The following ANKRD6 variants were observed in gnomAD, a reference collection of about 807,000 sequenced individuals.
The protein encoded by ANKRD6 is ankyrin repeat domain-containing protein 6.
Under a neutral mutation model 82.3 loss-of-function variants are expected in ANKRD6, and 56 were observed. The observed-to-expected ratio is 0.68, with a 90% CI of 0.55 to 0.85. The LOEUF (loss-of-function observed/expected upper bound fraction) is 0.85, where lower values mean the gene tolerates loss of function less well. ANKRD6 is among the 40% of genes least tolerant of loss of function. ANKRD6 has a pLI of 0.00. For missense variants in ANKRD6, 852 were observed against 907.6 expected (o/e 0.94, Z 0.79); for synonymous variants, 347 against 352.1 (o/e 0.99, Z 0.16).
chr6:89,512,998 C>T (rs2127945882), intron 1 of ANKRD6, among the ~76,000 whole-genome samples: 1 of 151,836 alleles, frequency 6.6e-6, no homozygotes, highest in South Asian at 2.1e-4. Context: ...GATCATTGCT[C>T]ACTGCAGCCT....
At chr6:89,466,045 G>T (rs1316798291) in intron 1 of ANKRD6, among the ~76,000 whole-genome samples, 1 of 152,032 alleles carries the variant, frequency 6.6e-6, no homozygotes, top group Non-Finnish European at 1.5e-5. Context: ...CTACCCATAG[G>T]TAACCACTAT....
In ANKRD6 at chr6:89,631,445, C is replaced by CT. The variant is rs1441740839; in HGVS notation, c.*444dup. 6.5e-6 allele frequency: 1 copy of CT among 153,356 alleles called. No homozygotes were observed. Among genetic ancestry groups the CT allele is most frequent in the African/African-American group, 2.4e-5 (1 of 41,458 alleles). The allele number at this position is 153,356 out of a possible 1,614,324, so 9.5% of individuals were successfully genotyped here. A position where few individuals can be genotyped will look rare whatever the true frequency, so the allele number is the denominator to read the frequency against. ...ACACCTGCTGTGCCTAGACAAGTGT[C>CT]TTTCTGTAAGAGCTGTAACTCTGAG... On this transcript the variant is annotated 3_prime_UTR_variant, in exon 16 of 16. Coordinates refer to ENST00000339746, the MANE Select transcript of ANKRD6 (RefSeq NM_001242809.2).
intron 1 of ANKRD6, among the ~76,000 whole-genome samples, chr6:89,551,730 C>T (rs1048187336): frequency 2.0e-4 from 30 of 152,200 alleles, no homozygotes; most frequent in Non-Finnish European, 2.5e-4. Flanking sequence ...TGTAATTTCT[C>T]AGGTTATTTT....
intron 1 of ANKRD6, among the ~76,000 whole-genome samples, chr6:89,462,239 T>TAAAAATAATAATAAA (rs60355520): frequency 1.4e-5 from 2 of 143,244 alleles, no homozygotes; most frequent in South Asian, 2.1e-4. Flanking sequence ...CTCAAAATAA[T>TAAAAATAATAATAAA]AATAATAATA....
At chr6:89,566,544 G>A (rs758200821) in intron 1 of ANKRD6, among the ~76,000 whole-genome samples, 7 of 152,184 alleles carry the variant, frequency 4.6e-5, no homozygotes, top group African/African-American at 1.2e-4. Flanking sequence ...CCAGGCCTCC[G>A]CTCCCTGGGA....
At chr6:89,616,910 A>G in intron 8 of ANKRD6, 1 of 627,388 alleles carries the variant, frequency 1.6e-6, no homozygotes, top group Non-Finnish European at 3.0e-6. Context: ...GGCATGAAAA[A>G]GAACTCAGGG....
At chr6:89,604,866 T>G (rs906924512) in intron 4 of ANKRD6, among the ~76,000 whole-genome samples, 1 of 152,114 alleles carries the variant, frequency 6.6e-6, no homozygotes, top group Non-Finnish European at 1.5e-5. Context: ...GGCATGGATG[T>G]GGTTGAGTTA....
rs1770275834 is a variant in ANKRD6, at chr6:89,433,835, C to G, written c.-144+460C>G. 6.6e-6 allele frequency among the ~76,000 whole-genome samples: 1 copy of G among 152,212 alleles called. No homozygotes were observed. The highest frequency in any genetic ancestry group is 2.4e-5 in the African/African-American group (1 of 41,468). On this transcript the variant is annotated intron_variant, in intron 1 of 15. Coordinates refer to ENST00000339746, the MANE Select transcript of ANKRD6 (RefSeq NM_001242809.2). This position sits in a 1 kb window ranked among gnomAD's most constrained non-coding sequence, Gnocchi z 4.3. ...GGACGACAGCACTAGGGTGCAGTCGCAGGAGAGGGGCCGATACCCCTCAGG... is the reference window on the plus strand; with the variant it reads ...GGACGACAGCACTAGGGTGCAGTCGGAGGAGAGGGGCCGATACCCCTCAGG...
intron 1 of ANKRD6, among the ~76,000 whole-genome samples, chr6:89,508,344 G>T (rs1780120380): frequency 6.6e-6 from 1 of 152,174 alleles, no homozygotes; most frequent in Admixed American, 6.5e-5. Flanking sequence ...AACCTTAAAG[G>T]ATAGCTCTGG....
chr6:89,546,781 C>T (rs552153122), intron 1 of ANKRD6, among the ~76,000 whole-genome samples: 60 of 151,668 alleles, frequency 4.0e-4, no homozygotes, highest in Middle Eastern at 3.5e-3. Flanking sequence ...CTGCAGTAAA[C>T]CACATTTAAG....
intron 1 of ANKRD6, among the ~76,000 whole-genome samples, chr6:89,449,054 A>T (rs1009015161): frequency 2.0e-5 from 3 of 152,034 alleles, no homozygotes; most frequent in Non-Finnish European, 2.9e-5. Context: ...AAAAAAAAGA[A>T]ATACATTTTG....
chr6:89,499,182 A>G (rs1023264373), intron 1 of ANKRD6, among the ~76,000 whole-genome samples: 1 of 152,206 alleles, frequency 6.6e-6, no homozygotes, highest in African/African-American at 2.4e-5. Flanking sequence ...CCTTTTTGAA[A>G]ACATGAGGTG....
Position 89,566,903 on chromosome 6 carries a change from G to C in ANKRD6, c.-74G>C. Reference sequence around the variant, plus strand: ...GAACATCTTTACCTCTGGGTGCCAGGCCGGGCCAGTGACTTCGTGTTGAGC... The same window carrying C: ...GAACATCTTTACCTCTGGGTGCCAGCCCGGGCCAGTGACTTCGTGTTGAGC... On this transcript the variant is annotated 5_prime_UTR_variant, in exon 2 of 16. Transcript: ENST00000339746. The C allele has an allele frequency of 6.5e-7, 1 of 1,534,808 alleles. No homozygotes were observed. Among genetic ancestry groups the C allele is most frequent in the Non-Finnish European group, 8.8e-7 (1 of 1,135,182 alleles).
intron 1 of ANKRD6, among the ~76,000 whole-genome samples, chr6:89,442,850 A>G (rs1426523665): frequency 6.6e-6 from 1 of 152,170 alleles, no homozygotes; most frequent in African/African-American, 2.4e-5. Flanking sequence ...ATTAGAGACC[A>G]CAGATGGCAG....
intron 1 of ANKRD6, among the ~76,000 whole-genome samples, chr6:89,440,020 G>C (rs1037204949): frequency 2.6e-5 from 4 of 152,084 alleles, no homozygotes; most frequent in African/African-American, 7.2e-5. Flanking sequence ...TTAAAATAAA[G>C]TTTCCTGTTT....
At chr6:89,599,005 A>T (rs1426522470) in intron 3 of ANKRD6, among the ~76,000 whole-genome samples, 1 of 152,150 alleles carries the variant, frequency 6.6e-6, no homozygotes, top group Non-Finnish European at 1.5e-5. Flanking sequence ...ATGCTGTCCT[A>T]GGCTTATCAA....
At chr6:89,444,344 A>G (rs1458035127) in intron 1 of ANKRD6, among the ~76,000 whole-genome samples, 3 of 152,216 alleles carry the variant, frequency 2.0e-5, no homozygotes, top group Non-Finnish European at 2.9e-5. Flanking sequence ...TTGGATTTTT[A>G]TACAAAACAG....
intron 1 of ANKRD6, among the ~76,000 whole-genome samples, chr6:89,550,445 A>G (rs764810805): frequency 1.3e-5 from 2 of 152,192 alleles, no homozygotes; most frequent in African/African-American, 4.8e-5. Context: ...TATCCTGTGT[A>G]GTTCCGTCCA....
intron 1 of ANKRD6, among the ~76,000 whole-genome samples, chr6:89,496,919 C>A (rs1217797279): frequency 6.6e-6 from 1 of 152,196 alleles, no homozygotes; most frequent in Non-Finnish European, 1.5e-5. Flanking sequence ...AATAGAGCAT[C>A]TGAGAATATT....
Sources: gnomAD v4.1 joint callset for allele counts (sites outside exome capture counted in the v4.1 genomes callset) on GRCh38, gnomAD v4.1.1 for gene constraint, Gnocchi (gnomAD v3.1) non-coding constraint, MANE v1.5 for transcripts, NCBI Gene and HGNC (gene_info 2026-07-23, HGNC 2026-07-21) for gene names.